The following RAB3GAP2 variants were observed in gnomAD, a reference collection of about 807,000 sequenced individuals.
RAB3GAP2 encodes the protein RAB3 GTPase activating non-catalytic protein subunit 2.
In RAB3GAP2, 87 loss-of-function variants were observed where a neutral mutation model predicts 185.3. The ratio of observed to expected loss-of-function variants is 0.47; its 90% CI spans 0.39 to 0.56. The LOEUF is 0.56. RAB3GAP2 is among the 20% of genes least tolerant of loss of function. RAB3GAP2 has a pLI of 0.00. For synonymous variants in RAB3GAP2, 554 were observed against 576.1 expected, an observed-to-expected ratio of 0.96 and a Z score of 0.55; for missense variants, 1,492 against 1,638.2, an observed-to-expected ratio of 0.91 and a Z score of 1.54.
In RAB3GAP2 at chr1:220,167,648, C is replaced by T. The variant is rs1658095246; in HGVS notation, c.2834G>A (p.Trp945Ter). ...AGGGCTGAAGTCCTGTTTAAATATC[C>T]ACTTGGCTACACTGTCTGCAATGCC... Reference protein sequence around the residue: ...KGGIADSVAKWIFKQDFSPEV... With the variant: ...KGGIADSVAK Residue 945 changes from tryptophan (W) to a stop codon, truncating the protein, a stop_gained, in exon 25 of 35, where the codon TGG (tryptophan) becomes TAG (stop). Coordinates refer to ENST00000358951, the MANE Select transcript of RAB3GAP2 (RefSeq NM_012414.4). LOFTEE classifies it high-confidence loss of function. 2 of 1,613,844 alleles carry T rather than the reference C, an allele frequency of 1.2e-6. No homozygotes were observed. The highest frequency in any genetic ancestry group is 1.3e-5 in the African/African-American group (1 of 74,912).
intron 28 of RAB3GAP2, among the ~76,000 whole-genome samples, chr1:220,161,811 T>C (rs777768349): frequency 6.6e-6 from 1 of 152,182 alleles, no homozygotes; most frequent in Non-Finnish European, 1.5e-5. Context: ...CAATACATTA[T>C]GGGTGAGGTT....
rs772825754 is a variant in RAB3GAP2, at chr1:220,213,913, A to G, written c.247T>C (p.Ser83Pro). The change falls in exon 3 of 35, where the codon TCT becomes CCT. Residue 83 changes from serine to proline, a missense_variant. Physicochemically the swap from Ser to Pro is moderately conservative, Grantham distance 74. Around this residue, in one of 5 missense-constraint regions of RAB3GAP2, gnomAD observed 177 missense variants for 160.6 expected, o/e 1.10. Transcript: ENST00000358951. ...ATCACCATAAGATCATTGGTTGGAG[A>G]TAAGGATAAAACACAATCTTGGAGC... ...SWLQDCVLSL[S>P]PTNDLMVIAR... 30 of 1,613,086 alleles carry G rather than the reference A, an allele frequency of 1.9e-5. No homozygotes were observed. The Admixed American group carries it at 5.0e-4, about 27-fold the overall frequency.
Position 220,161,096 on chromosome 1 carries a change from G to A in RAB3GAP2, c.3225+1102C>T, listed in dbSNP as rs79503392. Among the ~76,000 whole-genome samples the A allele has an allele frequency of 4.4e-3, 670 of 152,244 alleles. 22 individuals are homozygous for A. In the South Asian group the frequency reaches 0.063, roughly 14 times the overall value. ...TTTTACTGTTATTCTCTCGAAAGAC[G>A]AGGGGGTAAGAGGTGAAGTTGAATA... On this transcript the variant is annotated intron_variant, in intron 28 of 34. Coordinates refer to ENST00000358951, the MANE Select transcript of RAB3GAP2 (RefSeq NM_012414.4).
chr1:220,267,825 A>C, intron 1 of RAB3GAP2: 1 of 1,267,970 alleles, frequency 7.9e-7, no homozygotes, highest in Non-Finnish European at 1.2e-6. Context: ...CTGACAAGGA[A>C]ATTGCTGAGT....
At chr1:220,271,894 A>C (rs542284558) in intron 1 of RAB3GAP2, among the ~76,000 whole-genome samples, 148 of 120,646 alleles carry the variant, frequency 1.2e-3, no homozygotes, top group African/African-American at 4.4e-3. Flanking sequence ...GAGACGGAGA[A>C]GATACTCAGA....
chr1:220,185,563 T>C (rs926250963), intron 18 of RAB3GAP2, 88 bp downstream of exon 18: 20 of 898,392 alleles, frequency 2.2e-5, no homozygotes, highest in African/African-American at 3.3e-5. Context: ...AGTAACATGA[T>C]GGTATCACAA....
chr1:220,195,091 G>A lies in RAB3GAP2; in HGVS notation c.1117C>T (p.Pro373Ser). 6.2e-7 allele frequency: 1 copy of A among 1,614,016 alleles called. No homozygotes were observed. The highest frequency in any genetic ancestry group is 8.5e-7 in the Non-Finnish European group (1 of 1,179,934). Residue 373 changes from proline to serine, a missense_variant, in exon 12 of 35, where the codon CCA becomes TCA. By Grantham distance (74) the Pro-to-Ser change is moderately conservative. This residue lies in a region of RAB3GAP2 where 243 missense variants were observed against 314.8 expected (regional missense o/e 0.77). Transcript: ENST00000358951. ...TGACAGACTTGCCTTACAGCTAATG[G>A]GGTAGCTGGCTCAACCTTCGGCTTT... The part of the protein sequence containing the change: ...KQKPKVEPAT[P>S]LAVRFGLPDS...
rs1657697319 is a variant in RAB3GAP2 at position 220,149,323 on chromosome 1, G to A, written c.*1928C>T. 1.3e-5 allele frequency: 2 copies of A among 152,068 alleles called. No individual in the cohort carries two copies. The highest frequency in any genetic ancestry group is 2.9e-5 in the Non-Finnish European group (2 of 67,998). The allele number at this position is 152,068 out of a possible 1,614,324, so 9.4% of individuals were successfully genotyped here. A position where few individuals can be genotyped will look rare whatever the true frequency, so the allele number is the denominator to read the frequency against. On this transcript the variant is annotated 3_prime_UTR_variant, in exon 35 of 35. Coordinates refer to ENST00000358951, the MANE Select transcript of RAB3GAP2 (RefSeq NM_012414.4). ...GTGAGCCATACTTCAGCTTATTATT[G>A]TTCTCAGCAATCCCCAGATTTGATT...
At position 220,149,133 on chromosome 1, in the gene RAB3GAP2, T is replaced by G. The variant is rs1657690716; in HGVS notation, c.*2118A>C. On this transcript the variant is annotated 3_prime_UTR_variant, in exon 35 of 35. Coordinates refer to ENST00000358951, the MANE Select transcript of RAB3GAP2 (RefSeq NM_012414.4). ...TGTCTACATAGGTATTTATTTGCCT[T>G]TCTTCCTATCAATCAGATTTATTTA... The G allele has an allele frequency of 1.3e-5, 2 of 152,214 alleles. No homozygotes were observed. Among genetic ancestry groups the G allele is most frequent in the Non-Finnish European group, 2.9e-5 (2 of 68,026 alleles). The allele number at this position is 152,214 out of a possible 1,614,324, so 9.4% of individuals were successfully genotyped here.
chr1:220,208,144 T>C (rs1571901300), intron 7 of RAB3GAP2: 1 of 152,214 alleles, frequency 6.6e-6, no homozygotes, highest in Non-Finnish European at 1.5e-5. Flanking sequence ...AATATTTAAA[T>C]GTTAGTTATA....
At position 220,191,276 on chromosome 1, in the gene RAB3GAP2, C is replaced by T. The variant is rs770859492; in HGVS notation, c.1279G>A (p.Asp427Asn). The T allele has an allele frequency of 2.5e-5, 40 of 1,575,246 alleles. No homozygotes were observed. The highest frequency in any genetic ancestry group is 4.3e-5 in the African/African-American group (3 of 70,110). The change falls in exon 14 of 35, where the codon GAC becomes AAC. Residue 427 changes from aspartate to asparagine, a missense_variant. Physicochemically the swap from Asp to Asn is conservative, Grantham distance 23. This residue lies in a region of RAB3GAP2 where 681 missense variants were observed against 689.1 expected (regional missense o/e 0.99). Transcript: ENST00000358951. ...GTTTGAATCCATCCAATTTGTGCGT[C>T]GCGGTACCCTTAGAGACAGAGGTAA... ...IAIRMWKGYR[D>N]AQIGWIQTVE... is the part of the protein sequence containing the mutation.
At chr1:220,271,348 A>AATAAG (rs1183990096) in intron 1 of RAB3GAP2, 2 of 57,434 alleles carry the variant, frequency 3.5e-5, no homozygotes, top group Non-Finnish European at 6.6e-5. Context: ...GAAATGCAAA[A>AATAAG]ATAAAATAAA....
intron 17 of RAB3GAP2, 56 bp from the exon 18 acceptor site, chr1:220,185,797 T>TA (rs1384191585): frequency 8.7e-6 from 12 of 1,385,030 alleles, no homozygotes; most frequent in Middle Eastern, 2.0e-4. Context: ...TTTTGTTTTT[T>TA]AAATCTTATA....
intron 31 of RAB3GAP2, among the ~76,000 whole-genome samples, chr1:220,156,137 G>A (rs1336201621): frequency 1.3e-5 from 2 of 151,950 alleles, no homozygotes; most frequent in Non-Finnish European, 2.9e-5. Context: ...TTTTACTAGT[G>A]ACAGGGTTTC....
At chr1:220,213,754 GAAAT>G in intron 3 of RAB3GAP2, 98 bp downstream of exon 3, 20 of 1,140,218 alleles carry the variant, frequency 1.8e-5, no homozygotes, top group Non-Finnish European at 2.1e-5. Flanking sequence ...GAGAGAGAGA[GAAAT>G]AAATAAATAA....
intron 2 of RAB3GAP2, among the ~76,000 whole-genome samples, chr1:220,225,080 A>T (rs1659379533): frequency 6.6e-6 from 1 of 152,202 alleles, no homozygotes; most frequent in Non-Finnish European, 1.5e-5. Context: ...CGCAGATTTG[A>T]ACTAAAATTA....
intron 1 of RAB3GAP2, chr1:220,266,189 A>G (rs1303531081): frequency 2.2e-5 from 4 of 180,006 alleles, no homozygotes; most frequent in African/African-American, 9.5e-5. Flanking sequence ...GCAGCTGTCC[A>G]CAGTAAAATA....
At chr1:220,170,108 G>C (rs2102858411) in intron 24 of RAB3GAP2, among the ~76,000 whole-genome samples, 1 of 152,312 alleles carries the variant, frequency 6.6e-6, no homozygotes, top group Middle Eastern at 3.4e-3. Context: ...ATGAGTTCAT[G>C]TCCTTTGCAG....
intron 9 of RAB3GAP2, among the ~76,000 whole-genome samples, chr1:220,197,606 T>G (rs1042242693): frequency 2.6e-5 from 4 of 152,172 alleles, no homozygotes; most frequent in Admixed American, 2.6e-4. Context: ...TTACAAAATT[T>G]GCTTAAGTTT....
Sources: allele counts gnomAD v4.1 joint callset (sites outside exome capture counted in the v4.1 genomes callset), GRCh38; gene constraint gnomAD v4.1.1; regional missense constraint gnomAD v4.1.1; transcripts MANE v1.5; gene names NCBI Gene and HGNC (gene_info 2026-07-23, HGNC 2026-07-21).